CDH13: variants seen among roughly 807,000 people sequenced by gnomAD.
CDH13 encodes the protein cadherin 13, also known as cadherin-13.
In CDH13, 24 loss-of-function variants were observed where a neutral mutation model predicts 63.8. The observed-to-expected ratio is 0.38, with a 90% CI of 0.27 to 0.53. CDH13 has a LOEUF of 0.53. Among genes scored for constraint, CDH13 ranks in the 20% least tolerant of loss-of-function variants. The pLI is 0.85. For synonymous variants in CDH13, 503 were observed against 355.3 expected (o/e 1.42, Z -4.67); for missense variants, 1,049 against 903.1 (o/e 1.16, Z -2.07).
At chr16:83,776,268 A>G (rs370254466) in intron 11 of CDH13, among the ~76,000 whole-genome samples, 2 of 152,366 alleles carry the variant, frequency 1.3e-5, no homozygotes, top group East Asian at 3.9e-4. Context: ...TCTTCATAAT[A>G]TATTCAGAGT....
intron 9 of CDH13, among the ~76,000 whole-genome samples, chr16:83,673,369 C>A (rs776916123): frequency 7.2e-5 from 11 of 152,150 alleles, no homozygotes; most frequent in Non-Finnish European, 1.5e-4. Context: ...AAATCATCCC[C>A]GCTCAGGAGT....
chr16:82,724,575 T>C (rs1255226329), intron 1 of CDH13, among the ~76,000 whole-genome samples: 2 of 152,222 alleles, frequency 1.3e-5, no homozygotes, highest in African/African-American at 4.8e-5. Flanking sequence ...TCAAATGCCA[T>C]GTCTGATGGA....
At chr16:82,995,336 G>A (rs1279519515) in intron 2 of CDH13, among the ~76,000 whole-genome samples, 2 of 152,214 alleles carry the variant, frequency 1.3e-5, no homozygotes, top group African/African-American at 4.8e-5. Context: ...GTATGACCAT[G>A]GAACTGGGTG....
chr16:83,568,539 G>T (rs896606920), intron 7 of CDH13, among the ~76,000 whole-genome samples: 6 of 152,200 alleles, frequency 3.9e-5, no homozygotes, highest in African/African-American at 1.4e-4. Flanking sequence ...TGGCTTGGCT[G>T]TCACTTTAGG....
At chr16:82,912,494 T>C (rs1262455053) in intron 2 of CDH13, among the ~76,000 whole-genome samples, 2 of 152,192 alleles carry the variant, frequency 1.3e-5, no homozygotes, top group African/African-American at 4.8e-5. Flanking sequence ...AACCCTCTTC[T>C]AGGTCAAAAC....
intron 8 of CDH13, among the ~76,000 whole-genome samples, chr16:83,606,883 T>C (rs1908388532): frequency 6.6e-6 from 1 of 152,026 alleles, no homozygotes; most frequent in Admixed American, 6.6e-5. Context: ...TAACAGCCAG[T>C]AACAGGAAGT....
At chr16:83,236,806 A>C (rs543962142) in intron 5 of CDH13, among the ~76,000 whole-genome samples, 6 of 152,092 alleles carry the variant, frequency 3.9e-5, no homozygotes, top group Non-Finnish European at 8.8e-5. Flanking sequence ...AAGTTAGATG[A>C]GTGGCAGGGG....
Position 83,407,227 on chromosome 16 carries a change from G to T in CDH13, c.781+62221G>T, listed in dbSNP as rs567675673. Among the ~76,000 whole-genome samples, 16 of 152,310 alleles carry T rather than the reference G, an allele frequency of 1.1e-4. No homozygotes were observed. The East Asian group carries it at 2.9e-3, about 28-fold the overall frequency. ...CAGCACATGCTATTTGCATCCTGGAGGTATCAAGGCAAAGAAAACACAGTT... is the reference window on the plus strand; with the variant it reads ...CAGCACATGCTATTTGCATCCTGGATGTATCAAGGCAAAGAAAACACAGTT... On this transcript the variant is annotated intron_variant, in intron 6 of 13. Transcript: ENST00000567109.
At chr16:83,320,135 G>A (rs1017129756) in intron 5 of CDH13, among the ~76,000 whole-genome samples, 2 of 152,106 alleles carry the variant, frequency 1.3e-5, no homozygotes, top group Non-Finnish European at 2.9e-5. Context: ...GACCTCTCAG[G>A]CTCAAGTGAT....
chr16:83,416,879 T>A (rs2071565230), intron 6 of CDH13, among the ~76,000 whole-genome samples: 1 of 152,168 alleles, frequency 6.6e-6, no homozygotes, highest in Non-Finnish European at 1.5e-5. Flanking sequence ...ACTTGCCTTA[T>A]AAAATTATTG....
At chr16:83,063,510 C>A (rs2031755848) in intron 3 of CDH13, among the ~76,000 whole-genome samples, 1 of 152,106 alleles carries the variant, frequency 6.6e-6, no homozygotes, top group South Asian at 2.1e-4. Context: ...TATGATAAAC[C>A]CAGCCTAAGG....
chr16:82,738,569 A>G (rs990949451), intron 1 of CDH13, among the ~76,000 whole-genome samples: 1 of 152,152 alleles, frequency 6.6e-6, no homozygotes, highest in Non-Finnish European at 1.5e-5. Context: ...TTCTTAATGC[A>G]CTTTTACACT....
intron 1 of CDH13, chr16:82,646,332 G>A (rs1291276278): frequency 6.6e-6 from 1 of 152,218 alleles, no homozygotes; most frequent in East Asian, 1.9e-4. Context: ...CAGGATTGCA[G>A]GTGCCTGCCA....
intron 10 of CDH13, among the ~76,000 whole-genome samples, chr16:83,701,510 C>T (rs11865792): frequency 0.44 from 66,105 of 151,640 alleles, 14,645 homozygotes; most frequent in Middle Eastern, 0.58. Context: ...AACATGCTTT[C>T]GCCGTGTGGG....
In CDH13 at chr16:82,639,515, G is replaced by A. The variant is rs569316960; in HGVS notation, c.45+12378G>A. 19 of 1,259,578 alleles carry A rather than the reference G, an allele frequency of 1.5e-5. No individual in the cohort carries two copies. In the Admixed American group the frequency reaches 3.8e-4, roughly 25 times the overall value. 78.0% of individuals were successfully genotyped at this position (1,259,578 alleles called of 1,614,324 possible). ...TGTGGCTGGATGGAATTCTTCCCTA[G>A]GGATGCTAAGAAACCCTGTTGCCTA... On this transcript the variant is annotated intron_variant, in intron 1 of 13. Transcript: ENST00000567109.
At chr16:83,545,992 A>G (rs2075379679) in intron 7 of CDH13, among the ~76,000 whole-genome samples, 1 of 152,210 alleles carries the variant, frequency 6.6e-6, no homozygotes, top group Non-Finnish European at 1.5e-5. Context: ...TGGGGAACCA[A>G]TATGAAGTAA....
chr16:83,007,441 A>G (rs938339157), intron 2 of CDH13, among the ~76,000 whole-genome samples: 1 of 152,234 alleles, frequency 6.6e-6, no homozygotes, highest in African/African-American at 2.4e-5. Context: ...GGTTTTATCC[A>G]GAATCAAATC....
intron 5 of CDH13, among the ~76,000 whole-genome samples, chr16:83,327,677 G>A (rs1474461381): frequency 1.3e-5 from 2 of 152,206 alleles, no homozygotes; most frequent in African/African-American, 4.8e-5. Context: ...TTAAGGATGA[G>A]TAATGAGAAG....
At position 83,165,269 on chromosome 16, in the gene CDH13, A is replaced by G. The variant is rs971632711; in HGVS notation, c.483+39768A>G. ...GATCTGCCAAGATGTTCCACAATAC[A>G]AAAAGGATTCTGTTGGCAAAAACAA... On this transcript the variant is annotated intron_variant, in intron 4 of 13. Coordinates refer to ENST00000567109, the MANE Select transcript of CDH13 (RefSeq NM_001257.5). 3.7e-4 allele frequency among the ~76,000 whole-genome samples: 56 copies of G among 152,038 alleles called. 1 individual carries two copies. The highest frequency in any genetic ancestry group is 2.9e-5 in the Non-Finnish European group (2 of 67,994).
Sources: gnomAD v4.1 joint callset for allele counts (sites outside exome capture counted in the v4.1 genomes callset) on GRCh38, gnomAD v4.1.1 for gene constraint, MANE v1.5 for transcripts, NCBI Gene and HGNC (gene_info 2026-07-23, HGNC 2026-07-21) for gene names.